Variants in STXBP5L observed in about 807,000 individuals in gnomAD.
STXBP5L encodes the protein syntaxin binding protein 5L.
Under a neutral mutation model 144.5 loss-of-function variants are expected in STXBP5L, and 65 were observed. The observed-to-expected ratio is 0.45, with a 90% confidence interval of 0.37 to 0.55. The LOEUF is 0.55. Among genes scored for constraint, STXBP5L ranks in the 20% least tolerant of loss-of-function variants. The pLI is 0.00. For synonymous variants in STXBP5L, 505 were observed against 469.6 expected, an observed-to-expected ratio of 1.08 and a Z score of -0.97; for missense variants, 1,298 against 1,405.5, an observed-to-expected ratio of 0.92 and a Z score of 1.22.
chr3:121,371,392 G>A (rs1260730913), intron 20 of STXBP5L, among the ~76,000 whole-genome samples: 1 of 152,200 alleles, frequency 6.6e-6, no homozygotes, highest in Non-Finnish European at 1.5e-5. Context: ...CACTAGAGGG[G>A]CCAGAGTGTC....
intron 8 of STXBP5L, among the ~76,000 whole-genome samples, chr3:121,154,665 T>TA (rs746056002): frequency 2.0e-5 from 3 of 151,756 alleles, no homozygotes; most frequent in Admixed American, 6.6e-5. Flanking sequence ...ACCTTTATGC[T>TA]AAAAAAAGAA....
chr3:121,055,968 G>C (rs1338111139), intron 5 of STXBP5L, among the ~76,000 whole-genome samples: 4 of 151,304 alleles, frequency 2.6e-5, no homozygotes, highest in Non-Finnish European at 5.9e-5. Flanking sequence ...GCTGGGATTA[G>C]AGGCATGAGC....
intron 3 of STXBP5L, among the ~76,000 whole-genome samples, chr3:121,015,837 G>A (rs942560812): frequency 6.6e-6 from 1 of 152,138 alleles, no homozygotes; most frequent in Non-Finnish European, 1.5e-5. Context: ...GGGGGCAAAA[G>A]GTGTTACAAC....
intron 5 of STXBP5L, among the ~76,000 whole-genome samples, chr3:121,055,022 A>G (rs1451607701): frequency 1.3e-5 from 2 of 152,190 alleles, no homozygotes; most frequent in African/African-American, 4.8e-5. Context: ...TGATTTTATT[A>G]TCTCAACTGA....
chr3:121,044,831 G>A (rs1436416089), intron 4 of STXBP5L, among the ~76,000 whole-genome samples: 1 of 152,098 alleles, frequency 6.6e-6, no homozygotes, highest in Admixed American at 6.6e-5. Flanking sequence ...TGTATAAAAG[G>A]AATCTTAGTA....
At chr3:121,080,950 A>G (rs1370154119) in intron 5 of STXBP5L, among the ~76,000 whole-genome samples, 1 of 152,170 alleles carries the variant, frequency 6.6e-6, no homozygotes, top group Non-Finnish European at 1.5e-5. Flanking sequence ...ATTCCTTCAG[A>G]TATGTTTCCC....
intron 10 of STXBP5L, among the ~76,000 whole-genome samples, chr3:121,216,401 C>T (rs2048778243): frequency 6.6e-6 from 1 of 152,132 alleles, no homozygotes; most frequent in African/African-American, 2.4e-5. Flanking sequence ...TGATGCTATT[C>T]CTTTCTGTTT....
chr3:121,154,099 A>G (rs1363537742), intron 8 of STXBP5L, among the ~76,000 whole-genome samples: 3 of 151,874 alleles, frequency 2.0e-5, no homozygotes, highest in Non-Finnish European at 2.9e-5. Flanking sequence ...AGCCTTAAAA[A>G]GAGAGTAAAA....
At chr3:120,913,706 A>G (rs891591123) in intron 2 of STXBP5L, among the ~76,000 whole-genome samples, 19 of 152,004 alleles carry the variant, frequency 1.2e-4, no homozygotes, top group African/African-American at 4.6e-4. Context: ...TATTTAAAGC[A>G]GAGTAAGAAA....
At chr3:121,331,828 A>G (rs2108559917) in intron 20 of STXBP5L, among the ~76,000 whole-genome samples, 1 of 152,264 alleles carries the variant, frequency 6.6e-6, no homozygotes, top group East Asian at 1.9e-4. Flanking sequence ...CTAAATAAAA[A>G]AGTGCACACC....
chr3:120,910,948 A>T (rs13323408), intron 2 of STXBP5L, among the ~76,000 whole-genome samples: 2 of 152,008 alleles, frequency 1.3e-5, no homozygotes, highest in African/African-American at 4.8e-5. Flanking sequence ...ATTCTGTTCG[A>T]TGAGGGAAGG....
chr3:121,283,883 TTGTGTGTGTGCTTG>T (rs1294135890), intron 19 of STXBP5L, among the ~76,000 whole-genome samples: 1 of 143,814 alleles, frequency 7.0e-6, no homozygotes, highest in African/African-American at 2.7e-5. Flanking sequence ...TCTCCTACAT[TTGTGTGTGTGCTTG>T]TGTGTGTGTG....
chr3:121,136,202 A>G (rs2045250309), intron 7 of STXBP5L, among the ~76,000 whole-genome samples: 1 of 152,212 alleles, frequency 6.6e-6, no homozygotes, highest in Admixed American at 6.5e-5. Context: ...CACAGAGAGA[A>G]AAATCATTCA....
chr3:121,279,639 G>C (rs2050989765), intron 18 of STXBP5L, among the ~76,000 whole-genome samples, 166 bp from the exon 19 acceptor site: 1 of 151,834 alleles, frequency 6.6e-6, no homozygotes, highest in African/African-American at 2.4e-5. Context: ...TACGAAGACA[G>C]TTTATCCATC....
intron 3 of STXBP5L, among the ~76,000 whole-genome samples, chr3:120,996,808 A>G (rs1943385061): frequency 6.6e-6 from 1 of 152,068 alleles, no homozygotes; most frequent in African/African-American, 2.4e-5. Context: ...CTTGCTTTCC[A>G]ACTTTTATTC....
At chr3:121,022,457 A>G (rs1945627794) in intron 3 of STXBP5L, among the ~76,000 whole-genome samples, 1 of 152,156 alleles carries the variant, frequency 6.6e-6, no homozygotes, top group Non-Finnish European at 1.5e-5. Context: ...ACCTTAAATA[A>G]AAAGTAAACT....
intron 5 of STXBP5L, among the ~76,000 whole-genome samples, chr3:121,065,595 A>G: frequency 6.6e-6 from 1 of 152,162 alleles, no homozygotes; most frequent in Non-Finnish European, 1.5e-5. Context: ...TTTTTCAGAG[A>G]TAGAGCCTCA....
chr3:121,295,460 T>C (rs1027384622), intron 19 of STXBP5L, among the ~76,000 whole-genome samples: 1 of 152,176 alleles, frequency 6.6e-6, no homozygotes, highest in Admixed American at 6.5e-5. Context: ...GTAAATTTCT[T>C]ACTACAAAGC....
rs541511836 is a variant in STXBP5L at position 121,238,108 on chromosome 3, C to T, written c.1185-863C>T. On this transcript the variant is annotated intron_variant, in intron 12 of 26. Coordinates refer to ENST00000471454, the MANE Select transcript of STXBP5L (RefSeq NM_001308330.2). ...ATTTCAGTTATCTTTATAGCAACAC[C>T]GCGCTCCTTAGTACTAATTTTCTGT... Among the ~76,000 whole-genome samples the T allele has an allele frequency of 4.7e-4, 71 of 152,214 alleles. No individual in the cohort carries two copies. In the East Asian group the frequency reaches 6.9e-3, roughly 15 times the overall value.
Sources: gnomAD v4.1 joint callset for allele counts (sites outside exome capture counted in the v4.1 genomes callset) on GRCh38, gnomAD v4.1.1 for gene constraint, MANE v1.5 for transcripts, NCBI Gene and HGNC (gene_info 2026-07-23, HGNC 2026-07-21) for gene names.